SAMMSON: variants seen among roughly 807,000 people sequenced by gnomAD.
SAMMSON encodes long intergenic non-protein coding RNA 1212.
intron 9 of SAMMSON, among the ~76,000 whole-genome samples, chr3:70,377,900 T>C (rs1703033943): frequency 6.6e-6 from 1 of 152,016 alleles, no homozygotes; most frequent in Non-Finnish European, 1.5e-5. Flanking sequence ...TTAATATCAA[T>C]GTGATACTCC....
intron 3 of SAMMSON, among the ~76,000 whole-genome samples, chr3:70,051,927 G>A (rs1463528412): frequency 6.6e-6 from 1 of 151,876 alleles, no homozygotes; most frequent in African/African-American, 2.4e-5. Context: ...GAGAGACTGT[G>A]TCTTTAGAAA....
At chr3:70,382,727 G>T (rs1703082300) in intron 9 of SAMMSON, among the ~76,000 whole-genome samples, 1 of 151,726 alleles carries the variant, frequency 6.6e-6, no homozygotes, top group Non-Finnish European at 1.5e-5. Context: ...GTCAAAAGCT[G>T]TTTGAAATGC....
chr3:70,261,881 G>T (rs1175387330), intron 6 of SAMMSON, among the ~76,000 whole-genome samples: 1 of 152,106 alleles, frequency 6.6e-6, no homozygotes, highest in Admixed American at 6.6e-5. Flanking sequence ...TGTTATCCAA[G>T]AAGATCCGGG....
At position 70,425,310 on chromosome 3, in the gene SAMMSON, C is replaced by T. The variant is rs571794302; in HGVS notation, n.234-37250C>T. The T allele has an allele frequency of 8.5e-5, 13 of 152,272 alleles. 1 individual carries two copies. The East Asian group carries it at 1.2e-3, about 14-fold the overall frequency. The allele number at this position is 152,272 out of a possible 1,614,324, so 9.4% of individuals were successfully genotyped here. ...TAGGTGGAGCACAAAAGAAATTGAA[C>T]GAAGAAACTCCCTGATCTGCCTTCA... On this transcript the variant is annotated intron_variant and non_coding_transcript_variant, in intron 2 of 3. Transcript: ENST00000641053.
At chr3:70,377,433 G>A (rs1703027076) in intron 9 of SAMMSON, among the ~76,000 whole-genome samples, 1 of 152,064 alleles carries the variant, frequency 6.6e-6, no homozygotes, top group Admixed American at 6.5e-5. Context: ...ACAACTGGCT[G>A]TCCATCTGGA....
intron 4 of SAMMSON, among the ~76,000 whole-genome samples, chr3:70,238,923 G>A (rs1332444652): frequency 6.6e-6 from 1 of 152,138 alleles, no homozygotes; most frequent in Admixed American, 6.5e-5. Context: ...TTTAGAGGAT[G>A]CATGCTGATT....
At chr3:70,288,926 A>C (rs1267678782) in intron 6 of SAMMSON, among the ~76,000 whole-genome samples, 1 of 151,554 alleles carries the variant, frequency 6.6e-6, no homozygotes, top group Non-Finnish European at 1.5e-5. Flanking sequence ...ATCTTCCTCC[A>C]TCCTTTTATT....
At chr3:70,118,483 A>G (rs1398811802) in intron 4 of SAMMSON, among the ~76,000 whole-genome samples, 2 of 152,172 alleles carry the variant, frequency 1.3e-5, no homozygotes, top group Non-Finnish European at 2.9e-5. Flanking sequence ...CCCCAGAAAC[A>G]CTCATCATAA....
chr3:70,268,280 G>T (rs969419869), intron 6 of SAMMSON, among the ~76,000 whole-genome samples: 3 of 151,998 alleles, frequency 2.0e-5, no homozygotes, highest in Non-Finnish European at 4.4e-5. Flanking sequence ...CGACCAGCCT[G>T]GACAGCACGG....
At chr3:70,418,974 C>CT (rs369620361) in intron 2 of SAMMSON, among the ~76,000 whole-genome samples, 6,603 of 76,110 alleles carry the variant, frequency 0.087, 243 homozygotes, top group Non-Finnish European at 0.14. Flanking sequence ...CCTTTCCTTC[C>CT]TTCCTTCTCT....
intron 9 of SAMMSON, among the ~76,000 whole-genome samples, chr3:70,378,185 G>A (rs982682944): frequency 6.6e-6 from 1 of 151,320 alleles, no homozygotes; most frequent in African/African-American, 2.4e-5. Context: ...ACATAGAATA[G>A]CACAAAACTG....
chr3:70,310,077 AG>A (rs1175585349), intron 7 of SAMMSON, among the ~76,000 whole-genome samples: 9 of 152,210 alleles, frequency 5.9e-5, no homozygotes, highest in Non-Finnish European at 1.0e-4. Flanking sequence ...GAGATTCATA[AG>A]AAAAACACAG....
At chr3:70,124,663 A>C (rs2067448217) in intron 4 of SAMMSON, among the ~76,000 whole-genome samples, 1 of 151,628 alleles carries the variant, frequency 6.6e-6, no homozygotes, top group African/African-American at 2.4e-5. Flanking sequence ...ATACAGAAAA[A>C]AATTAGCTGG....
chr3:70,281,280 A>G (rs754415041), intron 6 of SAMMSON, among the ~76,000 whole-genome samples: 2 of 152,172 alleles, frequency 1.3e-5, no homozygotes, highest in African/African-American at 2.4e-5. Flanking sequence ...ATTCGTGTCA[A>G]TGCCCTAAAT....
At chr3:70,327,882 C>A (rs1702590317) in intron 7 of SAMMSON, among the ~76,000 whole-genome samples, 2 of 152,150 alleles carry the variant, frequency 1.3e-5, no homozygotes, top group Non-Finnish European at 2.9e-5. Context: ...TCCTCCAGAA[C>A]AAGACAATGT....
At chr3:70,342,383 C>T (rs754987034) in intron 7 of SAMMSON, among the ~76,000 whole-genome samples, 3 of 152,108 alleles carry the variant, frequency 2.0e-5, no homozygotes, top group South Asian at 2.1e-4. Context: ...TTGAAAGCTT[C>T]TGTATCTTAG....
chr3:70,068,727 T>G (rs2067219128), intron 3 of SAMMSON: 1 of 152,066 alleles, frequency 6.6e-6, no homozygotes, highest in South Asian at 2.1e-4. Context: ...ATTATTGTGG[T>G]GTTAGATTTA....
At chr3:70,055,782 C>G (rs2067164837) in intron 3 of SAMMSON, among the ~76,000 whole-genome samples, 1 of 152,032 alleles carries the variant, frequency 6.6e-6, no homozygotes, top group South Asian at 2.1e-4. Flanking sequence ...ACCTATTTCT[C>G]CTTCCTTTTC....
chr3:70,054,863 G>A (rs183757721), intron 3 of SAMMSON, among the ~76,000 whole-genome samples: 1 of 152,160 alleles, frequency 6.6e-6, no homozygotes, highest in East Asian at 1.9e-4. Flanking sequence ...AGACTTGCCA[G>A]ATCTTTTTAA....
Sources: allele counts gnomAD v4.1 joint callset (sites outside exome capture counted in the v4.1 genomes callset), GRCh38; gene constraint gnomAD v4.1.1; transcripts MANE v1.5; gene names NCBI Gene and HGNC (gene_info 2026-07-23, HGNC 2026-07-21).